CTNNA3: variants seen among roughly 807,000 people sequenced by gnomAD.
CTNNA3 encodes the protein catenin alpha-3.
A neutral mutation model predicts 95.7 loss-of-function variants in CTNNA3; 76 were observed. That is an observed-to-expected ratio of 0.79 (90% CI 0.66 to 0.96). The LOEUF (loss-of-function observed/expected upper bound fraction) is 0.96, where lower values mean the gene tolerates loss of function less well. Among genes scored for constraint, CTNNA3 ranks in the 40% least tolerant of loss-of-function variants. The probability of loss-of-function intolerance (pLI) is 0.00; values close to 1 mark genes in which losing one functional copy is unlikely to be tolerated. For missense variants in CTNNA3, 1,191 were observed against 1,089.8 expected (o/e 1.09, Z -1.31); for synonymous variants, 431 against 374.4 (o/e 1.15, Z -1.74).
chr10:66,190,492 T>C (rs550537078), intron 13 of CTNNA3, among the ~76,000 whole-genome samples: 1 of 152,160 alleles, frequency 6.6e-6, no homozygotes, highest in South Asian at 2.1e-4. Context: ...CTGAGTGGAC[T>C]AGATAATTAA....
In CTNNA3 at chr10:66,059,689, G is replaced by C. The variant is rs866164415; in HGVS notation, c.2159+9619C>G. On this transcript the variant is annotated intron_variant, in intron 15 of 17. Transcript: ENST00000433211. ...TGTATGTCCTTAATACCAAGGACAA[G>C]GACAGTACCTAATATTCAGCAGATT... Among the ~76,000 whole-genome samples, 59 of 152,016 alleles carry C rather than the reference G, an allele frequency of 3.9e-4. No individual in the cohort carries two copies. In the Middle Eastern group the frequency reaches 0.01, roughly 26 times the overall value.
chr10:67,234,775 G>T (rs1865377421), intron 5 of CTNNA3, among the ~76,000 whole-genome samples: 1 of 151,992 alleles, frequency 6.6e-6, no homozygotes. Flanking sequence ...CATTGTCTCA[G>T]CCCAGAATCT....
intron 13 of CTNNA3, among the ~76,000 whole-genome samples, chr10:66,270,407 T>G (rs1298552471): frequency 2.0e-5 from 3 of 152,090 alleles, no homozygotes; most frequent in Admixed American, 2.0e-4. Flanking sequence ...GGTTTCACCA[T>G]GTTGCCCAGG....
chr10:66,478,199 G>T (rs1839393105), intron 11 of CTNNA3, among the ~76,000 whole-genome samples: 1 of 152,020 alleles, frequency 6.6e-6, no homozygotes, highest in Admixed American at 6.6e-5. Context: ...TGCCCAAGAT[G>T]CAGGCTAAGA....
At chr10:66,655,443 A>G (rs1427980810) in intron 9 of CTNNA3, among the ~76,000 whole-genome samples, 2 of 152,106 alleles carry the variant, frequency 1.3e-5, no homozygotes, top group Non-Finnish European at 2.9e-5. Flanking sequence ...GATGCTAAAC[A>G]AATGAGAAAT....
At chr10:66,088,517 G>GTGTGTT (rs1554843919) in intron 14 of CTNNA3, among the ~76,000 whole-genome samples, 2 of 151,090 alleles carry the variant, frequency 1.3e-5, no homozygotes, top group Non-Finnish European at 3.0e-5. Flanking sequence ...GTGTGTGTGT[G>GTGTGTT]TGTGTGTGTG....
intron 15 of CTNNA3, 76 bp from the exon 16 acceptor site, chr10:65,988,873 A>T (rs2133326478): frequency 5.8e-6 from 6 of 1,029,356 alleles, no homozygotes; most frequent in South Asian, 5.4e-5. Flanking sequence ...TCATGAAAAA[A>T]TGTATTAATC....
At chr10:66,375,763 A>G (rs2092792332) in intron 12 of CTNNA3, among the ~76,000 whole-genome samples, 2 of 152,178 alleles carry the variant, frequency 1.3e-5, no homozygotes, top group Admixed American at 6.6e-5. Context: ...TGGAGTAAAC[A>G]ATTTACAACA....
At chr10:66,147,049 T>A (rs941806919) in intron 13 of CTNNA3, among the ~76,000 whole-genome samples, 3 of 152,190 alleles carry the variant, frequency 2.0e-5, no homozygotes, top group Non-Finnish European at 2.9e-5. Context: ...TGAAATTTTT[T>A]GGTTGCTGTT....
At chr10:67,130,289 T>C (rs1161191231) in intron 7 of CTNNA3, among the ~76,000 whole-genome samples, 2 of 152,046 alleles carry the variant, frequency 1.3e-5, no homozygotes, top group South Asian at 2.1e-4. Context: ...TCCAGTCTCC[T>C]TGGTTTGTAT....
intron 4 of CTNNA3, among the ~76,000 whole-genome samples, chr10:67,536,982 T>C (rs1840506202): frequency 6.6e-6 from 1 of 152,172 alleles, no homozygotes. Context: ...TTCATGAGGA[T>C]GAAACCATGA....
At chr10:66,079,282 A>G (rs1047068809) in intron 14 of CTNNA3, 18 of 152,088 alleles carry the variant, frequency 1.2e-4, no homozygotes, top group African/African-American at 2.4e-4. Context: ...CCTGTGCAGA[A>G]AAAGACGTAT....
At chr10:66,040,300 T>C (rs1311734385) in intron 15 of CTNNA3, among the ~76,000 whole-genome samples, 1 of 152,132 alleles carries the variant, frequency 6.6e-6, no homozygotes, top group Non-Finnish European at 1.5e-5. Context: ...AGTGCAAGTA[T>C]TATGGAAAGC....
At chr10:66,813,354 G>A (rs1589283641) in intron 7 of CTNNA3, among the ~76,000 whole-genome samples, 1 of 152,072 alleles carries the variant, frequency 6.6e-6, no homozygotes, top group Non-Finnish European at 1.5e-5. Flanking sequence ...GCATTTCAGT[G>A]TCTCATTTGG....
chr10:66,507,803 A>C (rs2131982263), intron 11 of CTNNA3, among the ~76,000 whole-genome samples: 1 of 152,282 alleles, frequency 6.6e-6, no homozygotes, highest in East Asian at 1.9e-4. Flanking sequence ...ATAGTGCTGT[A>C]ATAAACATGG....
At chr10:66,919,286 T>C (rs1846668666) in intron 7 of CTNNA3, among the ~76,000 whole-genome samples, 1 of 152,172 alleles carries the variant, frequency 6.6e-6, no homozygotes, top group Non-Finnish European at 1.5e-5. Flanking sequence ...TGATATTTAT[T>C]ATACTAGCCT....
In CTNNA3 at chr10:66,927,020, C is replaced by T; in HGVS notation, c.1048-151496G>A. The T allele has an allele frequency of 1.2e-6, 2 of 1,614,124 alleles. No individual in the cohort carries two copies. The highest frequency in any genetic ancestry group is 2.7e-5 in the African/African-American group (2 of 75,030). ...CTTTCTTCTGCCGAACGAGGATGCC[C>T]TAAGGGCTGTAGGTGTGAAGGCAAA... On this transcript the variant is annotated intron_variant, in intron 7 of 17. Transcript: ENST00000433211. This position sits in a 1 kb window ranked among gnomAD's most constrained non-coding sequence, Gnocchi z 4.7.
At chr10:67,282,106 A>G (rs536720135) in intron 5 of CTNNA3, among the ~76,000 whole-genome samples, 8 of 152,338 alleles carry the variant, frequency 5.3e-5, no homozygotes, top group African/African-American at 1.7e-4. Context: ...AAAGTAAATT[A>G]AACAGAAAAT....
intron 1 of CTNNA3, among the ~76,000 whole-genome samples, chr10:67,726,363 A>AATAAATGATATT (rs1841216951): frequency 2.4e-5 from 1 of 41,618 alleles, no homozygotes; most frequent in East Asian, 1.5e-3. Context: ...TATATGATAT[A>AATAAATGATATT]ATATATGATA....
Sources: allele counts gnomAD v4.1 joint callset (sites outside exome capture counted in the v4.1 genomes callset), GRCh38; gene constraint gnomAD v4.1.1; non-coding constraint Gnocchi (gnomAD v3.1); transcripts MANE v1.5; gene names NCBI Gene and HGNC (gene_info 2026-07-23, HGNC 2026-07-21).